The following ARHGEF10L variants were observed in gnomAD, a reference collection of about 807,000 sequenced individuals.
The protein encoded by ARHGEF10L is rho guanine nucleotide exchange factor 10-like protein.
A neutral mutation model predicts 141.2 loss-of-function variants in ARHGEF10L; 69 were observed. That is an observed-to-expected ratio of 0.49 (90% CI 0.40 to 0.60). The LOEUF is 0.60. Ranked by LOEUF, ARHGEF10L falls within the 20% of genes least tolerant of loss-of-function variation. The pLI is 0.00. For missense variants in ARHGEF10L, 1,482 were observed against 1,734.3 expected (o/e 0.85, Z 2.58); for synonymous variants, 711 against 718.5 (o/e 0.99, Z 0.17).
At position 17,607,181 on chromosome 1, in the gene ARHGEF10L, G is replaced by A. The variant is rs1000025123; in HGVS notation, c.434-621G>A. 1.3e-5 allele frequency among the ~76,000 whole-genome samples: 2 copies of A among 152,160 alleles called. No homozygotes were observed. The highest frequency in any genetic ancestry group is 2.9e-5 in the Non-Finnish European group (2 of 68,014). ...TCTTTTCCAGTAAGAAACAGGCCACGTGTGGTGGCTCGGCTGGGTGTGGTG... is the reference window on the plus strand; with the variant it reads ...TCTTTTCCAGTAAGAAACAGGCCACATGTGGTGGCTCGGCTGGGTGTGGTG... On this transcript the variant is annotated intron_variant, in intron 6 of 28. Coordinates refer to ENST00000361221, the MANE Select transcript of ARHGEF10L (RefSeq NM_018125.4). The surrounding 1 kb of genome is among the most constrained non-coding windows in gnomAD (Gnocchi z 4.5).
At chr1:17,538,083 GA>G (rs199523442), upstream of ARHGEF10L, among the ~76,000 whole-genome samples, 2,114 of 151,258 alleles carry the variant, frequency 0.014, 34 homozygotes, top group African/African-American at 0.048. Context: ...AACAAAGAAA[GA>G]AAAAAAACAT....
intron 4 of ARHGEF10L, among the ~76,000 whole-genome samples, chr1:17,589,788 G>A (rs1219367049): frequency 6.6e-6 from 1 of 152,186 alleles, no homozygotes; most frequent in African/African-American, 2.4e-5. Context: ...TGGGCCAGGG[G>A]TGAAGTTGTG....
At chr1:17,569,468 C>T (rs964610930) in intron 1 of ARHGEF10L, among the ~76,000 whole-genome samples, 4 of 152,172 alleles carry the variant, frequency 2.6e-5, no homozygotes, top group Non-Finnish European at 5.9e-5. Flanking sequence ...CTTGCCCTGC[C>T]GTTGTTGGGT....
Position 17,627,226 on chromosome 1 carries a change from G to A in ARHGEF10L, c.1411-104G>A. On this transcript the variant is annotated intron_variant, in intron 14 of 28. Coordinates refer to ENST00000361221, the MANE Select transcript of ARHGEF10L (RefSeq NM_018125.4). This position sits in a 1 kb window ranked among gnomAD's most constrained non-coding sequence, Gnocchi z 4.0. Reference sequence around the variant, plus strand: ...GTCCTGGCCTCAGGCCGGGCCCTTTGCAGACCCAGTGTGTGTAGGGGGTTG... The same window carrying A: ...GTCCTGGCCTCAGGCCGGGCCCTTTACAGACCCAGTGTGTGTAGGGGGTTG... 1 of 1,419,402 alleles carries A rather than the reference G, an allele frequency of 7.0e-7. No individual in the cohort carries two copies. The highest frequency in any genetic ancestry group is 9.6e-7 in the Non-Finnish European group (1 of 1,040,264). The allele number at this position is 1,419,402 out of a possible 1,614,324, so 87.9% of individuals were successfully genotyped here. A position where few individuals can be genotyped will look rare whatever the true frequency, so the allele number is the denominator to read the frequency against.
At chr1:17,608,687 G>C (rs1332478991) in intron 7 of ARHGEF10L, among the ~76,000 whole-genome samples, 1 of 152,198 alleles carries the variant, frequency 6.6e-6, no homozygotes, top group Non-Finnish European at 1.5e-5. Flanking sequence ...GGCAGTGTCT[G>C]TCCGTGCTGA....
intron 1 of ARHGEF10L, among the ~76,000 whole-genome samples, chr1:17,576,435 C>T (rs1042401119): frequency 5.3e-5 from 8 of 152,106 alleles, no homozygotes; most frequent in African/African-American, 1.2e-4. Context: ...ACCCCATAGC[C>T]GGGAGCTGGG....
intron 1 of ARHGEF10L, among the ~76,000 whole-genome samples, chr1:17,566,648 C>G (rs866155881): frequency 1.3e-5 from 2 of 152,174 alleles, no homozygotes; most frequent in Non-Finnish European, 2.9e-5. Context: ...AGTGTTGGGC[C>G]GGTCATCACA....
rs1366762669 is a variant in ARHGEF10L at position 17,558,019 on chromosome 1, C to T, written c.-44+18069C>T. On this transcript the variant is annotated intron_variant, in intron 1 of 28. Coordinates refer to ENST00000361221, the MANE Select transcript of ARHGEF10L (RefSeq NM_018125.4). This position sits in a 1 kb window ranked among gnomAD's most constrained non-coding sequence, Gnocchi z 4.2. ...CGACTCTTCCTCCCCACCATCCACC[C>T]ACTCGCCCATTCATTCATCTCTCCA... Among the ~76,000 whole-genome samples the T allele has an allele frequency of 3.9e-5, 6 of 152,168 alleles. No homozygotes were observed. The highest frequency in any genetic ancestry group is 9.7e-5 in the African/African-American group (4 of 41,436).
intron 1 of ARHGEF10L, among the ~76,000 whole-genome samples, chr1:17,579,218 A>G (rs1467194751): frequency 6.6e-6 from 1 of 152,122 alleles, no homozygotes; most frequent in Non-Finnish European, 1.5e-5. Context: ...ATGGAGTTTC[A>G]CCACGTTGGC....
At chr1:17,547,352 C>G (rs2076953495) in intron 1 of ARHGEF10L, among the ~76,000 whole-genome samples, 1 of 152,204 alleles carries the variant, frequency 6.6e-6, no homozygotes, top group Admixed American at 6.5e-5. Context: ...ATGTTGGGCC[C>G]AAGATGAGGT....
rs749338288 is a variant in ARHGEF10L at position 17,587,563 on chromosome 1, C to A, written c.141C>A (p.Ser47Arg). 6.2e-7 allele frequency: 1 copy of A among 1,614,062 alleles called. No individual in the cohort carries two copies. The highest frequency in any genetic ancestry group is 1.3e-5 in the African/African-American group (1 of 74,938). Residue 47 changes from serine to arginine, a missense_variant, in exon 3 of 29, where the codon AGC (serine) becomes AGA (arginine). This residue lies in a region of ARHGEF10L where 232 missense variants were observed against 225.9 expected (regional missense o/e 1.03). Coordinates refer to ENST00000361221, the MANE Select transcript of ARHGEF10L (RefSeq NM_018125.4). Reference sequence around the variant, plus strand: ...ACAGTGATGATGAAGAGGACACCAGCGCAGCCCTGGGCGTCCCCAGCCTTG... The same window carrying A: ...ACAGTGATGATGAAGAGGACACCAGAGCAGCCCTGGGCGTCCCCAGCCTTG... ...FDDSDDEEDT[S>R]AALGVPSLAP...
chr1:17,648,644 C>T lies in ARHGEF10L; in HGVS notation c.2363C>T (p.Pro788Leu). The T allele has an allele frequency of 6.2e-7, 1 of 1,612,994 alleles. No individual in the cohort carries two copies. Among genetic ancestry groups the T allele is most frequent in the Non-Finnish European group, 8.5e-7 (1 of 1,180,014 alleles). The stretch of plus-strand genomic sequence containing the variant: ...TGCCCGATCCTGGCCTGCTGCATCC[C>T]TGCCTTCTCCTCCCGGGCACTCAGC... ...FWCPILACCI[P>L]AFSSRALSLQ... Residue 788 changes from proline (P) to leucine (L), a missense_variant, in exon 22 of 29, where the codon CCT becomes CTT. By Grantham distance (98) the Pro-to-Leu change is moderately conservative. Around this residue, in one of 3 missense-constraint regions of ARHGEF10L, gnomAD observed 858 missense variants for 966.3 expected, o/e 0.89. Transcript: ENST00000361221.
chr1:17,635,268 A>G (rs1381425691), intron 18 of ARHGEF10L, among the ~76,000 whole-genome samples: 2 of 152,092 alleles, frequency 1.3e-5, no homozygotes, highest in Non-Finnish European at 2.9e-5. Context: ...TGGCTGCCAC[A>G]CACTCTGTCC....
intron 7 of ARHGEF10L, 38 bp from the exon 8 acceptor site, chr1:17,613,020 C>A: frequency 6.9e-7 from 1 of 1,439,410 alleles, no homozygotes; most frequent in Non-Finnish European, 9.8e-7. Context: ...CTGCTCCTCT[C>A]ACCTGCTTTC....
chr1:17,625,578 C>T lies in ARHGEF10L; in HGVS notation c.1318-378C>T, dbSNP rs1409686653. On this transcript the variant is annotated intron_variant, in intron 13 of 28. Coordinates refer to ENST00000361221, the MANE Select transcript of ARHGEF10L (RefSeq NM_018125.4). The surrounding 1 kb of genome is among the most constrained non-coding windows in gnomAD (Gnocchi z 4.5). ...GGATGCAAGAGACAGGACAGAAGGTCCCCCTGTGCCCCGCCCCTTACCCTA... is the reference window on the plus strand; with the variant it reads ...GGATGCAAGAGACAGGACAGAAGGTTCCCCTGTGCCCCGCCCCTTACCCTA... 1.3e-5 allele frequency among the ~76,000 whole-genome samples: 2 copies of T among 152,234 alleles called. No homozygotes were observed. The highest frequency in any genetic ancestry group is 3.9e-4 in the East Asian group (2 of 5,178).
At chr1:17,557,163 T>C (rs1054189865) in intron 1 of ARHGEF10L, among the ~76,000 whole-genome samples, 9 of 151,410 alleles carry the variant, frequency 5.9e-5, no homozygotes, top group Non-Finnish European at 1.0e-4. Flanking sequence ...GGCAACATGG[T>C]GAAACCTTGT....
intron 25 of ARHGEF10L, among the ~76,000 whole-genome samples, chr1:17,662,799 T>C (rs2062711371): frequency 6.6e-6 from 1 of 152,122 alleles, no homozygotes; most frequent in African/African-American, 2.4e-5. Flanking sequence ...GAGACAGCTG[T>C]GCCCCATCGT....
chr1:17,684,833 C>T (rs1312468210), intron 26 of ARHGEF10L, among the ~76,000 whole-genome samples: 2 of 152,144 alleles, frequency 1.3e-5, no homozygotes, highest in African/African-American at 4.8e-5. Context: ...TCTCTTCTCC[C>T]CTCCCCTCCC....
intron 27 of ARHGEF10L, chr1:17,689,756 G>C (rs1300427622): frequency 2.2e-6 from 1 of 455,172 alleles, no homozygotes; most frequent in Non-Finnish European, 4.4e-6. Flanking sequence ...TTTCAAGTTA[G>C]TGGAACAATG....
Sources: gnomAD v4.1 joint callset for allele counts (sites outside exome capture counted in the v4.1 genomes callset) on GRCh38, gnomAD v4.1.1 for gene constraint, gnomAD v4.1.1 regional missense constraint, Gnocchi (gnomAD v3.1) non-coding constraint, MANE v1.5 for transcripts, NCBI Gene and HGNC (gene_info 2026-07-23, HGNC 2026-07-21) for gene names.